The following ASTN2 variants were observed in gnomAD, a reference collection of about 807,000 sequenced individuals.
ASTN2 encodes the protein astrotactin-2.
Under a neutral mutation model 139.8 loss-of-function variants are expected in ASTN2, and 54 were observed. The ratio of observed to expected loss-of-function variants is 0.39; its 90% CI spans 0.31 to 0.48. The LOEUF is 0.48. Among genes scored for constraint, ASTN2 ranks in the 20% least tolerant of loss-of-function variants. The pLI is 0.95. For missense variants in ASTN2, 1,565 were observed against 1,725.1 expected (o/e 0.91, Z 1.64); for synonymous variants, 756 against 719.5 (o/e 1.05, Z -0.81).
At chr9:116,818,414 T>C (rs1035972023) in intron 12 of ASTN2, among the ~76,000 whole-genome samples, 2 of 152,258 alleles carry the variant, frequency 1.3e-5, no homozygotes, top group Non-Finnish European at 2.9e-5. Context: ...ACAAGTGTGG[T>C]AACTTCTCAT....
intron 3 of ASTN2, among the ~76,000 whole-genome samples, chr9:117,179,922 A>G (rs1191928515): frequency 6.6e-6 from 1 of 152,182 alleles, no homozygotes; most frequent in African/African-American, 2.4e-5. Flanking sequence ...GATGTAGGTG[A>G]TGGATGATGC....
At chr9:116,625,581 C>T (rs1004334911) in intron 17 of ASTN2, among the ~76,000 whole-genome samples, 6 of 41,570 alleles carry the variant, frequency 1.4e-4, no homozygotes, top group Non-Finnish European at 1.9e-4. Context: ...TTCTAAAACA[C>T]CTCTTGCTTG....
At position 117,120,229 on chromosome 9, in the gene ASTN2, G is replaced by A. The variant is rs1018860854; in HGVS notation, c.1168+21097C>T. ...TGACTGGAAACTCACCTTCCCACACGTGTTCTGAGAACTTCCTGCACAATG... is the reference window on the plus strand; with the variant it reads ...TGACTGGAAACTCACCTTCCCACACATGTTCTGAGAACTTCCTGCACAATG... On this transcript the variant is annotated intron_variant, in intron 4 of 22. Transcript: ENST00000313400. Among the ~76,000 whole-genome samples the A allele has an allele frequency of 8.5e-4, 129 of 151,506 alleles. 1 individual carries two copies. Among genetic ancestry groups the A allele is most frequent in the Non-Finnish European group, 1.6e-4 (11 of 67,934 alleles).
chr9:117,268,165 C>A (rs1833978860), intron 2 of ASTN2, among the ~76,000 whole-genome samples: 1 of 152,154 alleles, frequency 6.6e-6, no homozygotes, highest in South Asian at 2.1e-4. Context: ...TTCCTCTTTC[C>A]CTCTCTTGTC....
At chr9:116,749,377 G>C (rs1003828136) in intron 13 of ASTN2, among the ~76,000 whole-genome samples, 7 of 152,142 alleles carry the variant, frequency 4.6e-5, no homozygotes, top group Non-Finnish European at 8.8e-5. Flanking sequence ...CCACATGAGA[G>C]AGCTATAATG....
At position 117,262,941 on chromosome 9, in the gene ASTN2, A is replaced by G. The variant is rs78968953; in HGVS notation, c.630+28385T>C. 2.8e-4 allele frequency among the ~76,000 whole-genome samples: 42 copies of G among 152,302 alleles called. No individual in the cohort carries two copies. In the East Asian group the frequency reaches 8.1e-3, roughly 29 times the overall value. Reference sequence around the variant, plus strand: ...ATATGAGTGGCTTCCAGAAGCTGGAAAGGGCAGGAAATCATATTCTCCCCT... The same window carrying G: ...ATATGAGTGGCTTCCAGAAGCTGGAGAGGGCAGGAAATCATATTCTCCCCT... On this transcript the variant is annotated intron_variant, in intron 2 of 22. Coordinates refer to ENST00000313400, the MANE Select transcript of ASTN2 (RefSeq NM_001365068.1).
chr9:116,997,927 A>T (rs551554499), intron 7 of ASTN2, among the ~76,000 whole-genome samples: 86 of 152,292 alleles, frequency 5.6e-4, no homozygotes, highest in African/African-American at 1.9e-3. Flanking sequence ...CTGTTGTCTA[A>T]CACTCCATCT....
At chr9:116,948,116 G>A (rs1474040437) in intron 10 of ASTN2, among the ~76,000 whole-genome samples, 1 of 152,144 alleles carries the variant, frequency 6.6e-6, no homozygotes, top group African/African-American at 2.4e-5. Flanking sequence ...TCTATCAAGT[G>A]GTCCATGATT....
At chr9:116,886,875 T>C (rs1281419515) in intron 10 of ASTN2, among the ~76,000 whole-genome samples, 1 of 151,754 alleles carries the variant, frequency 6.6e-6, no homozygotes, top group East Asian at 1.9e-4. Context: ...AAGACTTATG[T>C]GGTTTAAGAG....
At chr9:116,946,681 G>C (rs547709865) in intron 10 of ASTN2, among the ~76,000 whole-genome samples, 2 of 151,990 alleles carry the variant, frequency 1.3e-5, no homozygotes, top group African/African-American at 2.4e-5. Context: ...AGTGTTTTTC[G>C]TTAAGGTCAG....
chr9:117,335,759 G>A (rs1035865208), intron 1 of ASTN2, among the ~76,000 whole-genome samples: 7 of 151,520 alleles, frequency 4.6e-5, no homozygotes, highest in African/African-American at 1.5e-4. Context: ...TAATAACATA[G>A]ATAAAGAACT....
intron 5 of ASTN2, among the ~76,000 whole-genome samples, chr9:117,066,058 T>G (rs1827929544): frequency 6.7e-6 from 1 of 150,350 alleles, no homozygotes; most frequent in Admixed American, 6.6e-5. Flanking sequence ...AGGGTACATG[T>G]GCACATTGTG....
intron 1 of ASTN2, among the ~76,000 whole-genome samples, chr9:117,293,158 C>T (rs975562902): frequency 2.6e-5 from 4 of 152,060 alleles, no homozygotes; most frequent in Non-Finnish European, 5.9e-5. Flanking sequence ...TCTCCCACTC[C>T]TCATTCAGTT....
intron 2 of ASTN2, among the ~76,000 whole-genome samples, chr9:117,224,448 A>G (rs567964086): frequency 3.8e-4 from 58 of 152,278 alleles, no homozygotes; most frequent in African/African-American, 1.4e-3. Context: ...CCTCCACTAT[A>G]CAATCAGATA....
intron 20 of ASTN2, among the ~76,000 whole-genome samples, chr9:116,456,462 C>T (rs1238215965): frequency 6.6e-6 from 1 of 152,076 alleles, no homozygotes; most frequent in Non-Finnish European, 1.5e-5. Flanking sequence ...TAGCAAAATA[C>T]CAATGACATT....
intron 5 of ASTN2, among the ~76,000 whole-genome samples, chr9:117,092,817 C>G (rs769305836): frequency 6.6e-6 from 1 of 152,144 alleles, no homozygotes; most frequent in Admixed American, 6.5e-5. Flanking sequence ...TAAAGAGGAG[C>G]TGAAATGGTG....
intron 1 of ASTN2, among the ~76,000 whole-genome samples, chr9:117,356,626 T>A (rs1375641337): frequency 4.6e-5 from 7 of 152,298 alleles, no homozygotes; most frequent in Non-Finnish European, 2.9e-5. Flanking sequence ...CGCTTCCATG[T>A]AAAATACGGG....
At chr9:117,302,608 C>T (rs1167134873) in intron 1 of ASTN2, among the ~76,000 whole-genome samples, 1 of 152,120 alleles carries the variant, frequency 6.6e-6, no homozygotes, top group Admixed American at 6.5e-5. Flanking sequence ...AACCCCAACC[C>T]CCACACCCCA....
At chr9:117,103,513 T>A (rs1564427020) in intron 4 of ASTN2, among the ~76,000 whole-genome samples, 1 of 152,188 alleles carries the variant, frequency 6.6e-6, no homozygotes, top group Admixed American at 6.5e-5. Context: ...AGGTCTTTCC[T>A]GGGCCTATGA....
Sources: gnomAD v4.1 joint callset for allele counts (sites outside exome capture counted in the v4.1 genomes callset) on GRCh38, gnomAD v4.1.1 for gene constraint, MANE v1.5 for transcripts, NCBI Gene and HGNC (gene_info 2026-07-23, HGNC 2026-07-21) for gene names.